The following ROBO2 variants were observed in gnomAD, a reference collection of about 807,000 sequenced individuals.
ROBO2 encodes the protein roundabout homolog 2.
ROBO2 carries 53 observed loss-of-function variants against 160.8 expected under a neutral mutation model. That is an observed-to-expected ratio of 0.33 (90% confidence interval 0.26 to 0.41). The LOEUF is 0.41. Among genes scored for constraint, ROBO2 ranks in the 10% least tolerant of loss-of-function variants. ROBO2 has a pLI of 1.00. For synonymous variants in ROBO2, 664 were observed against 611.7 expected (o/e 1.09, Z -1.26); for missense variants, 1,577 against 1,722.4 (o/e 0.92, Z 1.49).
chr3:76,872,821 T>C (rs1433832067), intron 2 of ROBO2, among the ~76,000 whole-genome samples: 1 of 152,060 alleles, frequency 6.6e-6, no homozygotes, highest in Non-Finnish European at 1.5e-5. Flanking sequence ...GTTGCTTTCT[T>C]TGGCATCTGT....
chr3:76,194,350 G>GTGTGTGTATA (rs759087780), intron 2 of ROBO2, among the ~76,000 whole-genome samples: 4 of 42,056 alleles, frequency 9.5e-5, no homozygotes, highest in African/African-American at 2.4e-4. Context: ...TGTATGGTGT[G>GTGTGTGTATA]TAAATATATA....
chr3:77,632,429 A>G (rs2095182448), intron 23 of ROBO2: 3 of 1,421,732 alleles, frequency 2.1e-6, no homozygotes, highest in Non-Finnish European at 2.8e-6. Flanking sequence ...AGCAGATGAG[A>G]TTTTCAATAT....
intron 2 of ROBO2, among the ~76,000 whole-genome samples, chr3:76,640,517 G>C (rs915161378): frequency 6.6e-6 from 1 of 151,240 alleles, no homozygotes; most frequent in African/African-American, 2.4e-5. Flanking sequence ...CCTGGGCAAC[G>C]AGTGAAGCTC....
At chr3:76,010,975 C>A (rs2066174878) in intron 2 of ROBO2, among the ~76,000 whole-genome samples, 1 of 152,148 alleles carries the variant, frequency 6.6e-6, no homozygotes, top group Admixed American at 6.5e-5. Flanking sequence ...AGAAGACCCC[C>A]AGAGCTATAA....
intron 1 of ROBO2, among the ~76,000 whole-genome samples, chr3:75,913,899 A>G (rs1038748801): frequency 6.6e-6 from 1 of 152,194 alleles, no homozygotes. Context: ...ATTTTATCTC[A>G]TGAGTTATAT....
intron 2 of ROBO2, among the ~76,000 whole-genome samples, chr3:76,559,109 C>G (rs2083995060): frequency 6.6e-6 from 1 of 152,096 alleles, no homozygotes; most frequent in Admixed American, 6.6e-5. Context: ...ATTCTAAACT[C>G]TTCCTCTCCT....
chr3:76,191,100 C>T (rs1457899374), intron 2 of ROBO2, among the ~76,000 whole-genome samples: 3 of 152,070 alleles, frequency 2.0e-5, no homozygotes, highest in Admixed American at 1.3e-4. Context: ...TTAAGTGGTG[C>T]TAATGGGCAG....
At chr3:77,515,159 C>G (rs9309770) in intron 5 of ROBO2, among the ~76,000 whole-genome samples, 121,931 of 151,670 alleles carry the variant, frequency 0.8, 49,898 homozygotes, top group East Asian at 0.96. Flanking sequence ...ATCACAATTA[C>G]AGGCCTATCC....
intron 2 of ROBO2, among the ~76,000 whole-genome samples, chr3:76,603,983 A>G (rs1043282103): frequency 6.6e-6 from 1 of 152,224 alleles, no homozygotes; most frequent in Non-Finnish European, 1.5e-5. Flanking sequence ...GAGAATTTCA[A>G]CTGGCCTTAG....
At chr3:76,658,807 A>C (rs1461955092) in intron 2 of ROBO2, among the ~76,000 whole-genome samples, 5 of 152,134 alleles carry the variant, frequency 3.3e-5, no homozygotes, top group South Asian at 4.1e-4. Flanking sequence ...TTAACTTAAT[A>C]GTGTTTCTTG....
intron 2 of ROBO2, among the ~76,000 whole-genome samples, chr3:75,959,726 A>C (rs1371805173): frequency 2.0e-5 from 3 of 151,772 alleles, no homozygotes; most frequent in Non-Finnish European, 4.4e-5. Flanking sequence ...ATGTCCCATC[A>C]ATAGAAAAAA....
chr3:76,150,946 T>C (rs1027968295), intron 2 of ROBO2, among the ~76,000 whole-genome samples: 1 of 152,148 alleles, frequency 6.6e-6, no homozygotes, highest in African/African-American at 2.4e-5. Context: ...AGAAACCTGC[T>C]TTGAGTTGAA....
chr3:76,651,454 C>A (rs2091255259), intron 2 of ROBO2, among the ~76,000 whole-genome samples: 1 of 152,066 alleles, frequency 6.6e-6, no homozygotes, highest in Non-Finnish European at 1.5e-5. Flanking sequence ...GTGTAGCATA[C>A]ATAAAAGTCA....
intron 2 of ROBO2, among the ~76,000 whole-genome samples, chr3:76,237,353 C>T (rs1254697797): frequency 6.6e-6 from 1 of 152,086 alleles, no homozygotes; most frequent in Non-Finnish European, 1.5e-5. Context: ...TATATCTTGT[C>T]TAAACATTAT....
intron 2 of ROBO2, among the ~76,000 whole-genome samples, chr3:77,380,705 C>T (rs1465099158): frequency 6.7e-6 from 1 of 150,172 alleles, no homozygotes; most frequent in Non-Finnish European, 1.5e-5. Flanking sequence ...CCTTCCCTCC[C>T]TTCCTTCCTT....
intron 2 of ROBO2, among the ~76,000 whole-genome samples, chr3:77,304,891 T>A (rs1288068119): frequency 6.6e-6 from 1 of 152,184 alleles, no homozygotes; most frequent in East Asian, 1.9e-4. Context: ...ATACGTAAGC[T>A]GTAGTTTTGA....
At chr3:76,122,868 C>T (rs2070809470) in intron 2 of ROBO2, among the ~76,000 whole-genome samples, 1 of 152,032 alleles carries the variant, frequency 6.6e-6, no homozygotes, top group Non-Finnish European at 1.5e-5. Context: ...TTATTCTTTA[C>T]CTATAAAAAT....
chr3:75,933,407 A>G (rs1947629058), intron 1 of ROBO2, among the ~76,000 whole-genome samples: 1 of 152,184 alleles, frequency 6.6e-6, no homozygotes, highest in Non-Finnish European at 1.5e-5. Flanking sequence ...CAAACGGACC[A>G]TCAACCTGCA....
intron 2 of ROBO2, among the ~76,000 whole-genome samples, chr3:77,166,017 G>T (rs2079042844): frequency 6.6e-6 from 1 of 152,080 alleles, no homozygotes; most frequent in African/African-American, 2.4e-5. Context: ...TGTGTTATTT[G>T]CAGATGGTGA....
Sources: gnomAD v4.1 joint callset for allele counts (sites outside exome capture counted in the v4.1 genomes callset) on GRCh38, gnomAD v4.1.1 for gene constraint, MANE v1.5 for transcripts, NCBI Gene and HGNC (gene_info 2026-07-23, HGNC 2026-07-21) for gene names.